SPATA16: variants seen among roughly 807,000 people sequenced by gnomAD.
The protein encoded by SPATA16 is spermatogenesis associated 16.
In SPATA16, 36 loss-of-function variants were observed where a neutral mutation model predicts 63.3. The ratio of observed to expected loss-of-function variants is 0.57; its 90% CI spans 0.44 to 0.75. SPATA16 has a LOEUF of 0.75. Among genes scored for constraint, SPATA16 ranks in the 30% least tolerant of loss-of-function variants. The pLI is 0.00. For synonymous variants in SPATA16, 203 were observed against 216.7 expected, an observed-to-expected ratio of 0.94 and a Z score of 0.56; for missense variants, 646 against 679.3, an observed-to-expected ratio of 0.95 and a Z score of 0.54.
intron 3 of SPATA16, among the ~76,000 whole-genome samples, chr3:173,026,335 A>G (rs944257432): frequency 6.6e-6 from 1 of 151,942 alleles, no homozygotes; most frequent in Non-Finnish European, 1.5e-5. Context: ...TCTGGATACA[A>G]ATTCTTTGTA....
At chr3:172,892,714 G>A (rs1283821290) in intron 10 of SPATA16, among the ~76,000 whole-genome samples, 1 of 152,110 alleles carries the variant, frequency 6.6e-6, no homozygotes, top group African/African-American at 2.4e-5. Context: ...TTTCTGTAAA[G>A]CCCTTAGGAA....
intron 4 of SPATA16, among the ~76,000 whole-genome samples, chr3:172,978,906 A>G (rs1425861475): frequency 6.6e-6 from 1 of 152,198 alleles, no homozygotes; most frequent in African/African-American, 2.4e-5. Flanking sequence ...TAGTAGGTTG[A>G]TCAAGCCATG....
At chr3:172,986,238 A>G (rs1021453190) in intron 4 of SPATA16, among the ~76,000 whole-genome samples, 1 of 152,310 alleles carries the variant, frequency 6.6e-6, no homozygotes, top group South Asian at 2.1e-4. Flanking sequence ...AAATAGTAAT[A>G]GTAGTATTAC....
At chr3:172,933,534 A>G (rs1211619808) in intron 6 of SPATA16, among the ~76,000 whole-genome samples, 3 of 152,232 alleles carry the variant, frequency 2.0e-5, no homozygotes, top group African/African-American at 7.2e-5. Flanking sequence ...TGTTGCTATT[A>G]TATTCAAGAA....
chr3:172,925,137 A>G (rs577043278), intron 7 of SPATA16, among the ~76,000 whole-genome samples: 2 of 152,204 alleles, frequency 1.3e-5, no homozygotes, highest in South Asian at 2.1e-4. Context: ...GGGTGGGGTA[A>G]GATGATTAGA....
chr3:172,933,206 T>A (rs1417738055), intron 6 of SPATA16, among the ~76,000 whole-genome samples: 1 of 152,202 alleles, frequency 6.6e-6, no homozygotes, highest in African/African-American at 2.4e-5. Flanking sequence ...CTCACATCAT[T>A]GAAACTGATG....
intron 2 of SPATA16, among the ~76,000 whole-genome samples, chr3:173,082,502 T>G (rs1250707584): frequency 6.6e-6 from 1 of 152,196 alleles, no homozygotes; most frequent in Non-Finnish European, 1.5e-5. Flanking sequence ...GCATTTAAAC[T>G]GTTCACTATC....
intron 6 of SPATA16, among the ~76,000 whole-genome samples, chr3:172,930,444 T>G (rs1381058272): frequency 1.3e-5 from 2 of 152,096 alleles, no homozygotes; most frequent in East Asian, 3.8e-4. Flanking sequence ...AGTCTCCCCA[T>G]TTTTCCTTTA....
chr3:173,024,724 C>T (rs1195123635), intron 3 of SPATA16, among the ~76,000 whole-genome samples: 1 of 150,634 alleles, frequency 6.6e-6, no homozygotes, highest in South Asian at 2.1e-4. Context: ...TCTTTTCAAT[C>T]AAACTGATAT....
At chr3:173,055,664 G>A (rs1472660499) in intron 2 of SPATA16, among the ~76,000 whole-genome samples, 2 of 152,188 alleles carry the variant, frequency 1.3e-5, no homozygotes, top group Non-Finnish European at 2.9e-5. Context: ...GAACTGTAAT[G>A]TATCTTGAAT....
intron 2 of SPATA16, among the ~76,000 whole-genome samples, chr3:173,110,164 CAAGTT>C (rs747315082): frequency 1.3e-5 from 2 of 152,150 alleles, no homozygotes; most frequent in Non-Finnish European, 2.9e-5. Flanking sequence ...CAACAACAAT[CAAGTT>C]AAAATCTGAA....
At chr3:172,976,353 G>T (rs1031764767) in intron 5 of SPATA16, among the ~76,000 whole-genome samples, 1 of 151,988 alleles carries the variant, frequency 6.6e-6, no homozygotes, top group Non-Finnish European at 1.5e-5. Flanking sequence ...TGTTGGGGGA[G>T]GGTAAAGTAA....
intron 2 of SPATA16, among the ~76,000 whole-genome samples, chr3:173,057,376 G>A (rs1736262490): frequency 6.6e-6 from 1 of 151,944 alleles, no homozygotes. Context: ...GCCTCCCAAA[G>A]TGCTATGATT....
chr3:172,923,907 T>G (rs2109575944), intron 8 of SPATA16, among the ~76,000 whole-genome samples: 1 of 152,292 alleles, frequency 6.6e-6, no homozygotes, highest in South Asian at 2.1e-4. Context: ...TTCTTATTGA[T>G]TTGAAATGAG....
intron 10 of SPATA16, among the ~76,000 whole-genome samples, chr3:172,898,865 T>G (rs1017728977): frequency 2.0e-5 from 3 of 151,914 alleles, no homozygotes; most frequent in African/African-American, 7.2e-5. Flanking sequence ...CATTTTTCTC[T>G]CATTGCTATT....
chr3:172,984,948 T>A (rs1260108206), intron 4 of SPATA16, among the ~76,000 whole-genome samples: 1 of 152,180 alleles, frequency 6.6e-6, no homozygotes, highest in African/African-American at 2.4e-5. Context: ...TTGAAGAAGC[T>A]GAGGTTTAAG....
intron 2 of SPATA16, among the ~76,000 whole-genome samples, chr3:173,090,273 C>G (rs567459329): frequency 6.6e-6 from 1 of 152,264 alleles, no homozygotes; most frequent in South Asian, 2.1e-4. Flanking sequence ...CCACCCTACT[C>G]CTGCTTTGTC....
intron 8 of SPATA16, among the ~76,000 whole-genome samples, chr3:172,921,342 C>T (rs144143099): frequency 6.6e-6 from 1 of 152,246 alleles, no homozygotes; most frequent in East Asian, 1.9e-4. Flanking sequence ...ATGTGTTGCA[C>T]AAGACACTGG....
intron 2 of SPATA16, among the ~76,000 whole-genome samples, chr3:173,085,851 C>T (rs1038741674): frequency 1.3e-5 from 2 of 152,178 alleles, no homozygotes; most frequent in African/African-American, 4.8e-5. Context: ...AGCCTTGCAT[C>T]CCAGGGATAA....
Sources: allele counts gnomAD v4.1 joint callset (sites outside exome capture counted in the v4.1 genomes callset), GRCh38; gene constraint gnomAD v4.1.1; transcripts MANE v1.5; gene names NCBI Gene and HGNC (gene_info 2026-07-23, HGNC 2026-07-21).